The following MAP4K3 variants were observed in gnomAD, a reference collection of about 807,000 sequenced individuals.
The protein encoded by MAP4K3 is MAPK/ERK kinase kinase kinase 3.
In MAP4K3, 94 loss-of-function variants were observed where a neutral mutation model predicts 143.5. The observed-to-expected ratio is 0.65, with a 90% CI of 0.55 to 0.78. The LOEUF is 0.78. MAP4K3 is among the 30% of genes least tolerant of loss of function. The pLI is 0.00. For missense variants in MAP4K3, 1,077 were observed against 1,068.1 expected (o/e 1.01, Z -0.12); for synonymous variants, 416 against 347.2 (o/e 1.20, Z -2.20).
At chr2:39,271,015 G>T (rs1394682279) in intron 26 of MAP4K3, among the ~76,000 whole-genome samples, 1 of 151,594 alleles carries the variant, frequency 6.6e-6, no homozygotes, top group Non-Finnish European at 1.5e-5. Flanking sequence ...TAACCTGGAG[G>T]TGAAATACCC....
chr2:39,353,745 C>T (rs957925981), intron 3 of MAP4K3, among the ~76,000 whole-genome samples: 4 of 140,804 alleles, frequency 2.8e-5, no homozygotes, highest in African/African-American at 7.4e-5. Flanking sequence ...GTAGCAGCAG[C>T]AGCAGCAGCA....
At chr2:39,283,983 T>C (rs1681654634) in intron 21 of MAP4K3, among the ~76,000 whole-genome samples, 1 of 152,216 alleles carries the variant, frequency 6.6e-6, no homozygotes, top group Non-Finnish European at 1.5e-5. Context: ...AAATATAACA[T>C]TTCTGAAATT....
intron 7 of MAP4K3, among the ~76,000 whole-genome samples, chr2:39,332,981 G>A (rs1271606681): frequency 6.6e-6 from 1 of 151,646 alleles, no homozygotes; most frequent in Non-Finnish European, 1.5e-5. Context: ...AAACTATAAC[G>A]AACACTTGTT....
chr2:39,436,978 C>T lies in MAP4K3; in HGVS notation c.10G>A (p.Gly4Ser), dbSNP rs1320374525. The T allele has an allele frequency of 1.9e-6, 3 of 1,611,464 alleles. No homozygotes were observed. The highest frequency in any genetic ancestry group is 2.5e-6 in the Non-Finnish European group (3 of 1,179,054). MNP[G>S]FDLSRRNPQE... ...GGGTTCCGGCGGGACAAATCGAAGC[C>T]GGGGTTCATGGCGGGCCCCAGGTGC... Residue 4 changes from glycine to serine, a missense_variant, in exon 1 of 34, where the codon GGC becomes AGC. By Grantham distance (56) the Gly-to-Ser change is moderately conservative (BLOSUM62 0). Coordinates refer to ENST00000263881, the MANE Select transcript of MAP4K3 (RefSeq NM_003618.4).
intron 8 of MAP4K3, 62 bp downstream of exon 8, chr2:39,331,855 T>C (rs1573161508): frequency 1.8e-6 from 2 of 1,101,072 alleles, no homozygotes; most frequent in East Asian, 2.6e-5. Context: ...GTCTATTTTT[T>C]AGAAATGCTA....
At chr2:39,287,275 T>C (rs1047961597) in intron 20 of MAP4K3, among the ~76,000 whole-genome samples, 2 of 147,994 alleles carry the variant, frequency 1.4e-5, no homozygotes, top group Admixed American at 7.0e-5. Flanking sequence ...TATTATTATG[T>C]CATCCAAGAA....
chr2:39,366,298 C>A (rs1427267765), intron 2 of MAP4K3, among the ~76,000 whole-genome samples: 2 of 151,788 alleles, frequency 1.3e-5, no homozygotes, highest in African/African-American at 4.8e-5. Context: ...GTGGTGGCTT[C>A]CAGGTTAGAG....
Position 39,336,965 on chromosome 2 carries a change from TC to T in MAP4K3, c.368del (p.Gly123AspfsTer15). The T allele has an allele frequency of 7.4e-7, 1 of 1,344,732 alleles. No homozygotes were observed. Among genetic ancestry groups the T allele is most frequent in the Non-Finnish European group, 1.0e-6 (1 of 964,424 alleles). 83.3% of individuals were successfully genotyped at this position (1,344,732 alleles called of 1,614,324 possible). A position where few individuals can be genotyped will look rare whatever the true frequency, so the allele number is the denominator to read the frequency against. The stretch of plus-strand genomic sequence containing the variant: ...TTCCTTTACTGTGAAGATAATATAA[TC>T]CCTGGAGTTTCAAAAAACAGAAAAA... ...IAYVSRETLQ[G>X]LYYLHSKGKM... On this transcript the variant is annotated frameshift_variant and splice_region_variant, in exon 6 of 34. Transcript: ENST00000263881. LOFTEE classifies it high-confidence loss of function.
chr2:39,416,004 T>TAA (rs58992205), intron 1 of MAP4K3, among the ~76,000 whole-genome samples: 1 of 76,080 alleles, frequency 1.3e-5, no homozygotes, highest in Non-Finnish European at 2.4e-5. Flanking sequence ...TATATATATA[T>TAA]AAAAATAACA....
chr2:39,362,220 G>C (rs1056796181), intron 2 of MAP4K3, among the ~76,000 whole-genome samples: 6 of 152,096 alleles, frequency 3.9e-5, no homozygotes, highest in African/African-American at 1.4e-4. Context: ...CTTTATCCTG[G>C]ATCATGTTAA....
At chr2:39,410,259 CTT>C in intron 1 of MAP4K3, among the ~76,000 whole-genome samples, 1 of 152,110 alleles carries the variant, frequency 6.6e-6, no homozygotes, top group Non-Finnish European at 1.5e-5. Context: ...CAGCTGAACC[CTT>C]TATAGATTGG....
At chr2:39,420,593 T>A (rs1297939595) in intron 1 of MAP4K3, among the ~76,000 whole-genome samples, 1 of 151,756 alleles carries the variant, frequency 6.6e-6, no homozygotes, top group Non-Finnish European at 1.5e-5. Context: ...TTTTTTTTTT[T>A]TAAGAGATGA....
At chr2:39,434,751 C>T (rs1665400256) in intron 1 of MAP4K3, among the ~76,000 whole-genome samples, 1 of 152,204 alleles carries the variant, frequency 6.6e-6, no homozygotes, top group African/African-American at 2.4e-5. Context: ...TCAGTTTATT[C>T]AACTGCAAAA....
intron 31 of MAP4K3, among the ~76,000 whole-genome samples, chr2:39,255,663 T>C (rs1012415155): frequency 1.3e-5 from 2 of 152,246 alleles, no homozygotes; most frequent in Admixed American, 6.5e-5. Flanking sequence ...TCTTGGTCTT[T>C]GGCTCTTCCA....
At chr2:39,363,505 T>C (rs1665827885) in intron 2 of MAP4K3, among the ~76,000 whole-genome samples, 2 of 151,946 alleles carry the variant, frequency 1.3e-5, no homozygotes, top group Admixed American at 1.3e-4. Flanking sequence ...CAGACTCCAC[T>C]AAAAATACAA....
Position 39,343,470 on chromosome 2 carries a change from G to A in MAP4K3, c.246-18C>T. The A allele has an allele frequency of 6.2e-7, 1 of 1,604,710 alleles. No individual in the cohort carries two copies. On this transcript the variant is annotated intron_variant, in intron 3 of 33. Coordinates refer to ENST00000263881, the MANE Select transcript of MAP4K3 (RefSeq NM_003618.4). ...TATCTCGCCTATAAAGAGAAAAGAA[G>A]CATGTATCATATTTTCATGATTAAA...
rs984687551 is a variant in MAP4K3 at position 39,249,779 on chromosome 2, C to G, written c.*839G>C. 6.6e-6 allele frequency: 1 copy of G among 152,586 alleles called. No homozygotes were observed. Among genetic ancestry groups the G allele is most frequent in the African/African-American group, 2.4e-5 (1 of 41,442 alleles). 9.5% of individuals were successfully genotyped at this position (152,586 alleles called of 1,614,324 possible). A position where few individuals can be genotyped will look rare whatever the true frequency, so the allele number is the denominator to read the frequency against. On this transcript the variant is annotated 3_prime_UTR_variant, in exon 34 of 34. Transcript: ENST00000263881. ...TTTGTGCATACTGTAATTCTGACCACAATTGCAGTATTCTATCATGGTACC... is the reference window on the plus strand; with the variant it reads ...TTTGTGCATACTGTAATTCTGACCAGAATTGCAGTATTCTATCATGGTACC...
At chr2:39,251,925 G>T (rs1330053429) in intron 32 of MAP4K3, 40 bp from the exon 33 acceptor site, 2 of 1,478,674 alleles carry the variant, frequency 1.4e-6, no homozygotes, top group African/African-American at 1.4e-5. Flanking sequence ...TGAAATTAAA[G>T]ACACAAAATT....
intron 19 of MAP4K3, among the ~76,000 whole-genome samples, 198 bp downstream of exon 19, chr2:39,290,084 CAAAAAAAAAA>C (rs57058905): frequency 1.5e-4 from 17 of 111,934 alleles, no homozygotes; most frequent in Non-Finnish European, 1.5e-4. Context: ...GAGACTGTCT[CAAAAAAAAAA>C]AAAAAAAAAA....
Sources: gnomAD v4.1 joint callset for allele counts (sites outside exome capture counted in the v4.1 genomes callset) on GRCh38, gnomAD v4.1.1 for gene constraint, MANE v1.5 for transcripts, NCBI Gene and HGNC (gene_info 2026-07-23, HGNC 2026-07-21) for gene names.